COL4A2: variants seen among roughly 807,000 people sequenced by gnomAD.
COL4A2 encodes the protein collagen alpha-2(IV) chain.
Under a neutral mutation model 200.2 loss-of-function variants are expected in COL4A2, and 99 were observed. That is an observed-to-expected ratio of 0.49 (90% CI 0.42 to 0.58). COL4A2 has a LOEUF of 0.58. Among genes scored for constraint, COL4A2 ranks in the 20% least tolerant of loss-of-function variants. The pLI, the probability that COL4A2 is intolerant of heterozygous loss-of-function variation, is 0.00. For synonymous variants in COL4A2, 897 were observed against 900.6 expected (o/e 1.00, Z 0.07); for missense variants, 1,950 against 2,314.1 (o/e 0.84, Z 3.23).
In COL4A2 at chr13:110,473,107, G is replaced by T; in HGVS notation, c.2382G>T (p.Gly794=). 4 of 1,563,978 alleles carry T rather than the reference G, an allele frequency of 2.6e-6. 1 individual carries two copies. The highest frequency in any genetic ancestry group is 3.4e-4 in the Middle Eastern group (2 of 5,808). The part of the protein sequence containing the change: ...RGDAGVPGQP[G]LKGLPGDRGP... The stretch of plus-strand genomic sequence containing the variant: ...ATGCTGGTGTGCCTGGACAGCCTGG[G>T]CTTAAAGGCCTTCCCGGAGACAGAG... Residue 794 remains glycine (G), a synonymous_variant, in exon 29 of 48, where the codon GGG becomes GGT. Coordinates refer to ENST00000360467, the MANE Select transcript of COL4A2 (RefSeq NM_001846.4).
chr13:110,406,633 CTT>C (rs11378330), intron 4 of COL4A2, among the ~76,000 whole-genome samples: 3 of 149,616 alleles, frequency 2.0e-5, no homozygotes, highest in African/African-American at 4.9e-5. Flanking sequence ...TAGTGGGACT[CTT>C]TTTTTTTTCT....
chr13:110,324,423 G>C (rs183191316), intron 3 of COL4A2, among the ~76,000 whole-genome samples: 1 of 152,354 alleles, frequency 6.6e-6, no homozygotes, highest in East Asian at 1.9e-4. Context: ...GAAGGAGCTT[G>C]CCTGAGAAGG....
At chr13:110,446,100 G>A (rs564652697) in intron 17 of COL4A2, among the ~76,000 whole-genome samples, 16 of 152,360 alleles carry the variant, frequency 1.1e-4, no homozygotes, top group African/African-American at 2.9e-4. Flanking sequence ...GCCACTCAGG[G>A]CCACGTAGGG....
chr13:110,503,441 C>T lies in COL4A2; in HGVS notation c.4098C>T (p.Asp1366=). 1 of 1,585,526 alleles carries T rather than the reference C, an allele frequency of 6.3e-7. No homozygotes were observed. The highest frequency in any genetic ancestry group is 8.6e-7 in the Non-Finnish European group (1 of 1,165,048). The stretch of plus-strand genomic sequence containing the variant: ...CTGGACCCACTGGGGCGGTGGGCGA[C>T]AGAGGCCCCAAGGGACCCAAGGGAG... ...GNTGPTGAVG[D]RGPKGPKGDP... is the part of the protein sequence containing the mutation. The change falls in exon 43 of 48, where the codon GAC becomes GAT. Residue 1366 remains aspartate (D), a synonymous_variant. Transcript: ENST00000360467.
rs563574585 is a variant in COL4A2, at chr13:110,461,373, C to T, written c.1597-741C>T. Among the ~76,000 whole-genome samples, 11 of 152,358 alleles carry T rather than the reference C, an allele frequency of 7.2e-5. No individual in the cohort carries two copies. In the East Asian group the frequency reaches 1.5e-3, roughly 21 times the overall value. ...TGGATCCCTGGGGCCTCTGTGGACA[C>T]GAAGGCAATGATTCAGCTGCCCCGG... On this transcript the variant is annotated intron_variant, in intron 22 of 47. Transcript: ENST00000360467.
rs1882543073 is a variant in COL4A2 at position 110,473,081 on chromosome 13, G to A, written c.2356G>A (p.Asp786Asn). 3.2e-6 allele frequency: 5 copies of A among 1,544,964 alleles called. No individual in the cohort carries two copies. The highest frequency in any genetic ancestry group is 3.5e-6 in the Non-Finnish European group (4 of 1,145,474). The change falls in exon 29 of 48, where the codon GAT becomes AAT. Residue 786 changes from aspartate to asparagine, a missense_variant. Physicochemically the swap from Asp to Asn is conservative, Grantham distance 23. Transcript: ENST00000360467. ...GGGAGCTCAGCCCGGGCCACGGGGA[G>A]ATGCTGGTGTGCCTGGACAGCCTGG... ...VLGAQPGPRG[D>N]AGVPGQPGLK... is the part of the protein sequence containing the mutation.
intron 3 of COL4A2, among the ~76,000 whole-genome samples, chr13:110,347,181 A>G (rs1206793228): frequency 1.3e-5 from 2 of 152,198 alleles, no homozygotes; most frequent in Non-Finnish European, 2.9e-5. Flanking sequence ...ACCTGAAACC[A>G]GGCCCACCCA....
At chr13:110,450,663 T>C (rs1881507660) in intron 20 of COL4A2, among the ~76,000 whole-genome samples, 2 of 152,180 alleles carry the variant, frequency 1.3e-5, no homozygotes, top group Non-Finnish European at 2.9e-5. Flanking sequence ...GCTGAAGCCC[T>C]GTAAGCCTGT....
chr13:110,310,368 A>G lies in COL4A2; in HGVS notation c.99+2245A>G, dbSNP rs1472746440. Among the ~76,000 whole-genome samples the G allele has an allele frequency of 3.9e-5, 6 of 152,238 alleles. No homozygotes were observed. The South Asian group carries it at 1.0e-3, about 26-fold the overall frequency. On this transcript the variant is annotated intron_variant, in intron 3 of 47. Transcript: ENST00000360467. ...GGACTCCGCCTCCCCACATGATACC[A>G]GAATCTGGGAACCACTGAGCTACAG...
At position 110,445,885 on chromosome 13, in the gene COL4A2, G is replaced by A. The variant is rs374680427; in HGVS notation, c.1011+3G>A. On this transcript the variant is annotated splice_donor_region_variant and intron_variant, in intron 17 of 47. Transcript: ENST00000360467. ...CTGATGGACCCCGGGGACCCAAGGT[G>A]AGCCCGTTTCTCATGTCTTTGCCAC... The A allele has an allele frequency of 8.1e-6, 13 of 1,614,204 alleles. No homozygotes were observed. Among genetic ancestry groups the A allele is most frequent in the Non-Finnish European group, 1.1e-5 (13 of 1,180,028 alleles).
At chr13:110,506,184 C>G (rs1239526124) in intron 45 of COL4A2, among the ~76,000 whole-genome samples, 1 of 151,928 alleles carries the variant, frequency 6.6e-6, no homozygotes, top group African/African-American at 2.4e-5. Flanking sequence ...CACTCTCTCT[C>G]TCTCTCAGGC....
chr13:110,469,126 T>C (rs1882363801), intron 27 of COL4A2, 91 bp from the exon 28 acceptor site: 2 of 1,413,678 alleles, frequency 1.4e-6, no homozygotes, highest in African/African-American at 1.4e-5. Flanking sequence ...CCCGGTTTCA[T>C]GAGATCCACA....
At chr13:110,504,382 C>CCCCA in intron 45 of COL4A2, 118 bp downstream of exon 45, 1 of 773,400 alleles carries the variant, frequency 1.3e-6, no homozygotes, top group Non-Finnish European at 2.2e-6. Context: ...TGAGGCGCTG[C>CCCCA]CCCACCCTCC....
intron 3 of COL4A2, among the ~76,000 whole-genome samples, chr13:110,310,562 C>T (rs1256346000): frequency 6.6e-6 from 1 of 152,210 alleles, no homozygotes; most frequent in East Asian, 1.9e-4. Context: ...AGGGGCTGGT[C>T]TTCTACTTAC....
At chr13:110,492,498 G>C (rs1213910841) in intron 38 of COL4A2, among the ~76,000 whole-genome samples, 3 of 152,198 alleles carry the variant, frequency 2.0e-5, no homozygotes, top group Non-Finnish European at 4.4e-5. Flanking sequence ...CAGGGTGCAG[G>C]AGCAGCCTCA....
intron 4 of COL4A2, among the ~76,000 whole-genome samples, chr13:110,372,861 T>G (rs1305932960): frequency 6.6e-6 from 1 of 152,226 alleles, no homozygotes; most frequent in African/African-American, 2.4e-5. Context: ...GTGTCTAAAT[T>G]TCCCATTGTC....
chr13:110,379,420 T>C (rs1295415192), intron 4 of COL4A2, among the ~76,000 whole-genome samples: 1 of 152,224 alleles, frequency 6.6e-6, no homozygotes, highest in African/African-American at 2.4e-5. Flanking sequence ...CCTTCCATCT[T>C]GCAGCTCATT....
intron 16 of COL4A2, among the ~76,000 whole-genome samples, chr13:110,441,144 T>C (rs1881108107): frequency 6.6e-6 from 1 of 151,558 alleles, no homozygotes; most frequent in African/African-American, 2.4e-5. Context: ...AGAGATAGAG[T>C]TTTATCAAAA....
chr13:110,385,365 C>T (rs551504512), intron 4 of COL4A2, among the ~76,000 whole-genome samples: 38 of 152,176 alleles, frequency 2.5e-4, no homozygotes, highest in African/African-American at 8.7e-4. Context: ...ACTTCTGTGT[C>T]TGCTAAGGGA....
Sources: gnomAD v4.1 joint callset for allele counts (sites outside exome capture counted in the v4.1 genomes callset) on GRCh38, gnomAD v4.1.1 for gene constraint, MANE v1.5 for transcripts, NCBI Gene and HGNC (gene_info 2026-07-23, HGNC 2026-07-21) for gene names.